Variants in GSE1 observed in about 807,000 individuals in gnomAD.
GSE1 encodes Gse1 coiled-coil protein.
GSE1 carries 32 observed loss-of-function variants against 112.6 expected under a neutral mutation model. That is an observed-to-expected ratio of 0.28 (90% CI 0.21 to 0.38). The LOEUF (loss-of-function observed/expected upper bound fraction) is 0.38, where lower values mean the gene tolerates loss of function less well. Among genes scored for constraint, GSE1 ranks in the 10% least tolerant of loss-of-function variants. The pLI is 1.00. For synonymous variants in GSE1, 1,115 were observed against 735.6 expected, an observed-to-expected ratio of 1.52 and a Z score of -8.35; for missense variants, 2,348 against 1,699.2, an observed-to-expected ratio of 1.38 and a Z score of -6.71.
intron 14 of GSE1, among the ~76,000 whole-genome samples, chr16:85,668,785 G>C (rs1430389625): frequency 6.6e-6 from 1 of 152,210 alleles, no homozygotes; most frequent in Non-Finnish European, 1.5e-5. Context: ...TGGCAGCTAG[G>C]CCTGGTCACT....
At chr16:85,392,035 C>T (rs1040743407) in intron 2 of GSE1, among the ~76,000 whole-genome samples, 14 of 152,156 alleles carry the variant, frequency 9.2e-5, no homozygotes, top group Admixed American at 2.0e-4. Flanking sequence ...GGGGCCCCAG[C>T]TGGCCTGTTC....
At chr16:85,312,284 A>G (rs1262985029) in intron 1 of GSE1, among the ~76,000 whole-genome samples, 3 of 150,388 alleles carry the variant, frequency 2.0e-5, no homozygotes, top group Non-Finnish European at 4.4e-5. Context: ...TGTGCCACAA[A>G]TTGGCGGCTT....
chr16:85,271,678 C>T (rs780807169), intron 1 of GSE1, among the ~76,000 whole-genome samples: 6 of 152,220 alleles, frequency 3.9e-5, no homozygotes, highest in African/African-American at 7.2e-5. Flanking sequence ...GGCTCAGAGA[C>T]ACCAGGGGCC....
chr16:85,563,409 C>A (rs768667543), intron 1 of GSE1, among the ~76,000 whole-genome samples: 6 of 152,208 alleles, frequency 3.9e-5, no homozygotes, highest in Admixed American at 6.5e-5. Context: ...TTTTCCCACA[C>A]ATGCCAGGCC....
chr16:85,232,485 G>A (rs945887035), intron 1 of GSE1, among the ~76,000 whole-genome samples: 2 of 152,176 alleles, frequency 1.3e-5, no homozygotes, highest in African/African-American at 4.8e-5. Context: ...AAAGAGGAAC[G>A]AGCTGCTCCC....
intron 1 of GSE1, among the ~76,000 whole-genome samples, chr16:85,620,465 C>T (rs550565675): frequency 5.9e-4 from 90 of 152,190 alleles, no homozygotes; most frequent in Non-Finnish European, 9.8e-4. Context: ...ACTAGACAGC[C>T]GATGCTATAC....
intron 2 of GSE1, among the ~76,000 whole-genome samples, chr16:85,452,510 A>T (rs1295472596): frequency 6.6e-6 from 1 of 152,228 alleles, no homozygotes; most frequent in Non-Finnish European, 1.5e-5. Flanking sequence ...GGATTTTTCA[A>T]AGCTACCCCG....
intron 2 of GSE1, among the ~76,000 whole-genome samples, chr16:85,640,673 G>A (rs1412539420): frequency 2.6e-5 from 4 of 152,258 alleles, no homozygotes; most frequent in African/African-American, 7.2e-5. Flanking sequence ...CCGTGGAGCC[G>A]GCCTGGGCGG....
intron 1 of GSE1, among the ~76,000 whole-genome samples, chr16:85,335,098 T>A (rs1567695875): frequency 6.6e-6 from 1 of 152,246 alleles, no homozygotes; most frequent in Non-Finnish European, 1.5e-5. Flanking sequence ...CTCCCGTGCC[T>A]GCGCATGTAA....
chr16:85,171,637 C>T (rs1487658153), exon 1 of GSE1: 3 of 985,362 alleles, frequency 3.0e-6, no homozygotes, highest in Non-Finnish European at 3.6e-6. Flanking sequence ...GGTGGCCCGG[C>T]TGCCCCTGTT....
intron 2 of GSE1, among the ~76,000 whole-genome samples, chr16:85,500,761 A>G (rs12448771): frequency 0.013 from 2,041 of 152,202 alleles, 26 homozygotes; most frequent in Non-Finnish European, 0.021. Flanking sequence ...AACAACAGAA[A>G]TGTATTCTCT....
At chr16:85,541,827 G>C (rs1567572812) in intron 2 of GSE1, among the ~76,000 whole-genome samples, 1 of 152,216 alleles carries the variant, frequency 6.6e-6, no homozygotes, top group Non-Finnish European at 1.5e-5. Context: ...CTTGTCCTTG[G>C]TGTGACCTTG....
At chr16:85,251,112 G>T (rs1906426217) in intron 1 of GSE1, among the ~76,000 whole-genome samples, 1 of 152,204 alleles carries the variant, frequency 6.6e-6, no homozygotes, top group South Asian at 2.1e-4. Context: ...GAATCACCCG[G>T]CTGTGAGCAT....
intron 2 of GSE1, among the ~76,000 whole-genome samples, chr16:85,484,192 C>T (rs902197143): frequency 2.6e-5 from 4 of 152,184 alleles, no homozygotes; most frequent in South Asian, 4.1e-4. Context: ...CCAACTGGGA[C>T]GGTGAGCAAG....
At chr16:85,192,482 G>T (rs375415661) in intron 1 of GSE1, among the ~76,000 whole-genome samples, 70 of 152,340 alleles carry the variant, frequency 4.6e-4, no homozygotes, top group African/African-American at 1.7e-3. Context: ...GTTTCATTGG[G>T]TGCATATGGC....
chr16:85,486,627 C>T (rs919752543), intron 2 of GSE1, among the ~76,000 whole-genome samples: 3 of 152,210 alleles, frequency 2.0e-5, no homozygotes, highest in Non-Finnish European at 4.4e-5. Context: ...GAGGCCTGCC[C>T]TGGTCCCCAG....
At chr16:85,537,775 G>A (rs563585529) in intron 2 of GSE1, among the ~76,000 whole-genome samples, 1 of 141,936 alleles carries the variant, frequency 7.0e-6, no homozygotes, top group African/African-American at 2.7e-5. Context: ...AGCCAGGTGT[G>A]AATTCAGAAA....
chr16:85,561,974 C>T (rs374235015), intron 1 of GSE1, among the ~76,000 whole-genome samples: 21 of 152,304 alleles, frequency 1.4e-4, no homozygotes, highest in Middle Eastern at 3.4e-3. Context: ...GGAGCCGAGG[C>T]GGGGACGGGG....
At chr16:85,516,129 C>G (rs75698014) in intron 2 of GSE1, among the ~76,000 whole-genome samples, 3,421 of 152,270 alleles carry the variant, frequency 0.022, 50 homozygotes, top group Middle Eastern at 0.092. Flanking sequence ...AGTCTGTGGT[C>G]CCTGCTGGGG....
Sources: allele counts gnomAD v4.1 joint callset (sites outside exome capture counted in the v4.1 genomes callset), GRCh38; gene constraint gnomAD v4.1.1; transcripts MANE v1.5; gene names NCBI Gene and HGNC (gene_info 2026-07-23, HGNC 2026-07-21).